PHOSPHO2: variants seen among roughly 807,000 people sequenced by gnomAD.
PHOSPHO2 encodes the protein phosphatase, orphan 2, also known as pyridoxal phosphate phosphatase PHOSPHO2.
A neutral mutation model predicts 16.4 loss-of-function variants in PHOSPHO2; 14 were observed. The ratio of observed to expected loss-of-function variants is 0.85; its 90% CI spans 0.56 to 1.33. PHOSPHO2 has a LOEUF of 1.33. PHOSPHO2 is among the 40% of genes most tolerant of loss of function. PHOSPHO2 has a pLI of 0.00. For missense variants in PHOSPHO2, 246 were observed against 282.5 expected, an observed-to-expected ratio of 0.87 and a Z score of 0.93; for synonymous variants, 85 against 90.5, an observed-to-expected ratio of 0.94 and a Z score of 0.34.
chr2:169,701,505 T>C lies in PHOSPHO2; in HGVS notation c.534T>C (p.Gly178=), dbSNP rs1687755250. ...ATTATACACAAATTGTTTATATTGGTGATGGTGGAAATGATGTCTGTCCAG... is the reference window on the plus strand; with the variant it reads ...ATTATACACAAATTGTTTATATTGGCGATGGTGGAAATGATGTCTGTCCAG... ...GVNYTQIVYI[G]DGGNDVCPVT... is the part of the protein sequence containing the mutation. Residue 178 remains glycine (G), a synonymous_variant, in exon 4 of 4, where the codon GGT becomes GGC. Coordinates refer to ENST00000359744, the MANE Select transcript of PHOSPHO2 (RefSeq NM_001008489.4). 1 of 1,613,542 alleles carries C rather than the reference T, an allele frequency of 6.2e-7. No individual in the cohort carries two copies. Among genetic ancestry groups the C allele is most frequent in the East Asian group, 2.2e-5 (1 of 44,846 alleles).
intron 3 of PHOSPHO2, among the ~76,000 whole-genome samples, chr2:169,699,309 T>C (rs1687663821): frequency 4.3e-5 from 6 of 139,280 alleles, no homozygotes; most frequent in Non-Finnish European, 1.6e-5. Context: ...TTGCTGAGGA[T>C]AATGGCTTCC....
Position 169,701,300 on chromosome 2 carries a change from A to C in PHOSPHO2, c.329A>C (p.Glu110Ala). ...TCGGTCTTCATAGATTGGGTTTTAG[A>C]AGCTGCCAGTTTTCATGACATATTT... ...SNSVFIDWVLEAASFHDIFDK... is the reference protein window; with the variant it reads ...SNSVFIDWVLAAASFHDIFDK... The change falls in exon 4 of 4, where the codon GAA becomes GCA. Residue 110 changes from glutamate to alanine, a missense_variant. Glu to Ala is a moderately radical substitution (Grantham distance 107). Transcript: ENST00000359744. The C allele has an allele frequency of 1.2e-6, 2 of 1,612,694 alleles. No homozygotes were observed. Among genetic ancestry groups the C allele is most frequent in the Non-Finnish European group, 1.7e-6 (2 of 1,179,348 alleles).
intron 2 of PHOSPHO2, among the ~76,000 whole-genome samples, chr2:169,697,064 A>G (rs990615024): frequency 1.3e-5 from 2 of 151,064 alleles, no homozygotes; most frequent in Admixed American, 1.3e-4. Context: ...TGCCCAGGCT[A>G]GAGTGCAGTG....
At chr2:169,696,719 T>C (rs1230019621) in intron 2 of PHOSPHO2, among the ~76,000 whole-genome samples, 1 of 152,232 alleles carries the variant, frequency 6.6e-6, no homozygotes, top group Non-Finnish European at 1.5e-5. Flanking sequence ...AACTAAATCT[T>C]TGTTCATATT....
chr2:169,699,584 T>C lies in PHOSPHO2; in HGVS notation c.-26-1362T>C, dbSNP rs141723427. Among the ~76,000 whole-genome samples, 308 of 152,304 alleles carry C rather than the reference T, an allele frequency of 2.0e-3. 4 individuals carry two copies. Among genetic ancestry groups the C allele is most frequent in the Non-Finnish European group, 2.4e-4 (16 of 68,020 alleles). ...AAGTGGTATTTCTGCCTCTACGTCT[T>C]TGAGGAATCACCACACTGTCTTCCA... On this transcript the variant is annotated intron_variant, in intron 3 of 3. Transcript: ENST00000359744.
Position 169,694,614 on chromosome 2 carries a change from C to T in PHOSPHO2, c.-239C>T. On this transcript the variant is annotated 5_prime_UTR_variant, in exon 1 of 4. Transcript: ENST00000359744. ...CGGGCGCCGGGGCGGCTGCCGACGG[C>T]GGGACTGGGTCAGTGAGAAGCCCGT... The T allele has an allele frequency of 1.9e-6, 1 of 530,048 alleles. No individual in the cohort carries two copies. Among genetic ancestry groups the T allele is most frequent in the Non-Finnish European group, 3.4e-6 (1 of 291,642 alleles). 32.8% of individuals were successfully genotyped at this position (530,048 alleles called of 1,614,324 possible). A position where few individuals can be genotyped will look rare whatever the true frequency, so the allele number is the denominator to read the frequency against.
chr2:169,697,339 A>C (rs1160845198), intron 2 of PHOSPHO2, 22 bp from the exon 3 acceptor site: 2 of 152,198 alleles, frequency 1.3e-5, no homozygotes, highest in Non-Finnish European at 2.9e-5. Context: ...TAAAGCTTTT[A>C]AAATACTTTT....
At chr2:169,700,740 A>C (rs1574500020) in intron 3 of PHOSPHO2, among the ~76,000 whole-genome samples, 1 of 152,016 alleles carries the variant, frequency 6.6e-6, no homozygotes, top group East Asian at 1.9e-4. Context: ...TGTCCTTTTT[A>C]TATATTTTGT....
intron 3 of PHOSPHO2, among the ~76,000 whole-genome samples, chr2:169,699,985 G>T (rs1317439807): frequency 6.6e-6 from 1 of 152,120 alleles, no homozygotes; most frequent in African/African-American, 2.4e-5. Context: ...AACTATTTGG[G>T]AGCTAAAGGT....
chr2:169,699,798 T>TC (rs1194590293), intron 3 of PHOSPHO2, among the ~76,000 whole-genome samples: 1 of 152,194 alleles, frequency 6.6e-6, no homozygotes, highest in Non-Finnish European at 1.5e-5. Context: ...AGCTTTTTTT[T>TC]CATATATTTC....
intron 3 of PHOSPHO2, among the ~76,000 whole-genome samples, chr2:169,699,178 C>T (rs1471692084): frequency 6.6e-6 from 1 of 151,502 alleles, no homozygotes; most frequent in African/African-American, 2.4e-5. Flanking sequence ...TCCTCCCACC[C>T]CCACCCTCTG....
intron 2 of PHOSPHO2, among the ~76,000 whole-genome samples, chr2:169,697,131 T>G (rs1272762341): frequency 2.6e-5 from 4 of 151,888 alleles, no homozygotes; most frequent in Non-Finnish European, 5.9e-5. Context: ...TTCTCCTGCC[T>G]CAGTCTCCCA....
At chr2:169,699,338 G>A (rs922372622) in intron 3 of PHOSPHO2, among the ~76,000 whole-genome samples, 3 of 152,138 alleles carry the variant, frequency 2.0e-5, no homozygotes, top group Admixed American at 1.3e-4. Context: ...CCATGTCCCT[G>A]TAAAGGACAT....
rs1687755664 is a variant in PHOSPHO2, at chr2:169,701,520, T to C, written c.549T>C (p.Asp183=). 6.2e-7 allele frequency: 1 copy of C among 1,613,722 alleles called. No homozygotes were observed. The highest frequency in any genetic ancestry group is 8.5e-7 in the Non-Finnish European group (1 of 1,179,958). ...TTTATATTGGTGATGGTGGAAATGA[T>C]GTCTGTCCAGTCACCTTTTTAAAGA... ...QIVYIGDGGN[D]VCPVTFLKND... is the part of the protein sequence containing the mutation. Residue 183 remains aspartate (D), a synonymous_variant, in exon 4 of 4, where the codon GAT becomes GAC. Coordinates refer to ENST00000359744, the MANE Select transcript of PHOSPHO2 (RefSeq NM_001008489.4).
At chr2:169,696,688 A>C (rs1010532439) in intron 2 of PHOSPHO2, among the ~76,000 whole-genome samples, 1 of 152,268 alleles carries the variant, frequency 6.6e-6, no homozygotes, top group South Asian at 2.1e-4. Flanking sequence ...AATTGGTTTC[A>C]AAACAGATTC....
chr2:169,700,152 T>C (rs941092402), intron 3 of PHOSPHO2, among the ~76,000 whole-genome samples: 1 of 152,252 alleles, frequency 6.6e-6, no homozygotes, highest in Non-Finnish European at 1.5e-5. Context: ...GTCTGTTTAC[T>C]CTGTTGATAG....
chr2:169,694,666 A>C, intron 1 of PHOSPHO2, 44 bp downstream of exon 1: 1 of 422,164 alleles, frequency 2.4e-6, no homozygotes, highest in Non-Finnish European at 4.5e-6. Flanking sequence ...TGCTACTCCC[A>C]TCCCCACCTG....
At position 169,701,076 on chromosome 2, in the gene PHOSPHO2, A is replaced by T; in HGVS notation, c.105A>T (p.Leu35=). The T allele has an allele frequency of 6.2e-7, 1 of 1,614,062 alleles. No individual in the cohort carries two copies. Among genetic ancestry groups the T allele is most frequent in the Non-Finnish European group, 8.5e-7 (1 of 1,179,980 alleles). The change falls in exon 4 of 4, where the codon CTA becomes CTT. Residue 35 remains leucine (L), a synonymous_variant. Transcript: ENST00000359744. ...CAPNKKLPIE[L]RDSYRKGFWT... is the part of the protein sequence containing the mutation. ...CCAACAAAAAGCTTCCTATTGAACT[A>T]CGTGATTCTTATCGAAAAGGATTTT... is the stretch of plus-strand genomic sequence containing the variant.
intron 3 of PHOSPHO2, among the ~76,000 whole-genome samples, chr2:169,699,402 T>C (rs1687666955): frequency 6.6e-6 from 1 of 152,226 alleles, no homozygotes; most frequent in African/African-American, 2.4e-5. Context: ...AAGTACCTCA[T>C]TTTCTTTATC....
Sources: allele counts gnomAD v4.1 joint callset (sites outside exome capture counted in the v4.1 genomes callset), GRCh38; gene constraint gnomAD v4.1.1; transcripts MANE v1.5; gene names NCBI Gene and HGNC (gene_info 2026-07-23, HGNC 2026-07-21).